Variants in HIBCH observed in about 807,000 individuals in gnomAD.
HIBCH encodes the protein 3-hydroxyisobutyryl-CoA hydrolase.
Under a neutral mutation model 58.2 loss-of-function variants are expected in HIBCH, and 50 were observed. The observed-to-expected ratio is 0.86, with a 90% CI of 0.68 to 1.09. The LOEUF (loss-of-function observed/expected upper bound fraction) is 1.09. Among genes scored for constraint, HIBCH ranks in the 50% least tolerant of loss-of-function variants. The pLI, the probability that HIBCH is intolerant of heterozygous loss-of-function variation, is 0.00. For missense variants in HIBCH, 450 were observed against 449.7 expected (o/e 1.00, Z -0.01); for synonymous variants, 151 against 146.9 (o/e 1.03, Z -0.20).
intron 6 of HIBCH, among the ~76,000 whole-genome samples, chr2:190,277,130 C>A (rs976088872): frequency 4.6e-5 from 7 of 152,038 alleles, no homozygotes; most frequent in African/African-American, 1.7e-4. Context: ...TAAATTTAGT[C>A]ATTTAAATAT....
chr2:190,248,343 T>C (rs886505436), intron 9 of HIBCH, among the ~76,000 whole-genome samples: 19 of 152,284 alleles, frequency 1.2e-4, no homozygotes, highest in African/African-American at 4.3e-4. Context: ...GGTTTTTTTT[T>C]CTTCCAATGT....
chr2:190,286,000 C>T (rs1284672366), intron 6 of HIBCH, among the ~76,000 whole-genome samples: 1 of 152,098 alleles, frequency 6.6e-6, no homozygotes, highest in Non-Finnish European at 1.5e-5. Context: ...CACCATCACA[C>T]CCAACTGATT....
intron 1 of HIBCH, among the ~76,000 whole-genome samples, chr2:190,311,998 G>A (rs1688570068): frequency 6.6e-6 from 1 of 152,224 alleles, no homozygotes; most frequent in Admixed American, 6.5e-5. Flanking sequence ...GTTGGAAATT[G>A]TCTCTATCCC....
chr2:190,291,140 G>C (rs562717021), intron 4 of HIBCH, among the ~76,000 whole-genome samples: 2 of 152,044 alleles, frequency 1.3e-5, no homozygotes, highest in Non-Finnish European at 2.9e-5. Flanking sequence ...TGTATTATAC[G>C]TGTGTGTATA....
chr2:190,250,939 T>C (rs963623226), intron 8 of HIBCH, among the ~76,000 whole-genome samples: 1 of 152,204 alleles, frequency 6.6e-6, no homozygotes, highest in Non-Finnish European at 1.5e-5. Context: ...AGAGGACGTG[T>C]GAGAATAAAT....
intron 2 of HIBCH, among the ~76,000 whole-genome samples, chr2:190,301,637 G>A (rs1286774095): frequency 2.0e-5 from 3 of 152,304 alleles, no homozygotes; most frequent in Admixed American, 2.0e-4. Flanking sequence ...AACTGTCTTA[G>A]TCCATTCCTG....
At chr2:190,208,714 TGGTC>T (rs1690451729) in intron 13 of HIBCH, 162 bp downstream of exon 13, 5 of 671,466 alleles carry the variant, frequency 7.4e-6, no homozygotes, top group South Asian at 6.5e-5. Flanking sequence ...ATTATACTTA[TGGTC>T]CAATGAACAT....
chr2:190,276,393 T>G (rs1687552238), intron 6 of HIBCH, among the ~76,000 whole-genome samples: 1 of 152,182 alleles, frequency 6.6e-6, no homozygotes. Context: ...CTCCTTTATG[T>G]TTCCTAATTG....
intron 11 of HIBCH, among the ~76,000 whole-genome samples, chr2:190,235,015 T>C (rs1273835954): frequency 2.6e-5 from 4 of 152,170 alleles, no homozygotes; most frequent in African/African-American, 4.8e-5. Context: ...CAACTGTTAC[T>C]ACTTGAGACT....
At chr2:190,212,623 G>T (rs758444522) in intron 12 of HIBCH, among the ~76,000 whole-genome samples, 1 of 152,012 alleles carries the variant, frequency 6.6e-6, no homozygotes, top group African/African-American at 2.4e-5. Flanking sequence ...ACCAATGAGG[G>T]AATTCACATT....
At chr2:190,228,261 T>C (rs975953012) in intron 11 of HIBCH, among the ~76,000 whole-genome samples, 12 of 152,158 alleles carry the variant, frequency 7.9e-5, no homozygotes, top group Non-Finnish European at 1.6e-4. Flanking sequence ...GGGACATGGA[T>C]GAAGCTGGAA....
At chr2:190,298,143 T>G (rs1287741319) in intron 2 of HIBCH, among the ~76,000 whole-genome samples, 2 of 152,202 alleles carry the variant, frequency 1.3e-5, no homozygotes, top group Non-Finnish European at 2.9e-5. Flanking sequence ...ATTTTCTTTA[T>G]CCAGTCTATT....
At chr2:190,270,379 T>C (rs949688387) in intron 6 of HIBCH, among the ~76,000 whole-genome samples, 2 of 151,720 alleles carry the variant, frequency 1.3e-5, no homozygotes, top group Non-Finnish European at 2.9e-5. Context: ...CACAGACACA[T>C]GTAAACAATT....
At chr2:190,317,969 C>T (rs1475871449) in intron 1 of HIBCH, among the ~76,000 whole-genome samples, 1 of 151,292 alleles carries the variant, frequency 6.6e-6, no homozygotes, top group Non-Finnish European at 1.5e-5. Context: ...GATTACAGGG[C>T]CCTGCCACCA....
At chr2:190,255,226 C>T (rs1356026216) in intron 7 of HIBCH, among the ~76,000 whole-genome samples, 1 of 152,166 alleles carries the variant, frequency 6.6e-6, no homozygotes, top group Non-Finnish European at 1.5e-5. Flanking sequence ...CCCCATGTAC[C>T]CTTTTGAGAG....
At chr2:190,219,172 A>T (rs953923239) in intron 11 of HIBCH, among the ~76,000 whole-genome samples, 6 of 152,224 alleles carry the variant, frequency 3.9e-5, no homozygotes, top group African/African-American at 1.4e-4. Context: ...AATCTAACAA[A>T]TTCTTTTAAT....
At chr2:190,283,856 G>A (rs544389556) in intron 6 of HIBCH, among the ~76,000 whole-genome samples, 48 of 152,312 alleles carry the variant, frequency 3.2e-4, no homozygotes, top group Non-Finnish European at 5.7e-4. Flanking sequence ...TTCTCCCAAG[G>A]ATGGTACATA....
At position 190,304,653 on chromosome 2, in the gene HIBCH, T is replaced by C. The variant is rs906378295; in HGVS notation, c.78+6101A>G. 6.6e-6 allele frequency among the ~76,000 whole-genome samples: 1 copy of C among 152,180 alleles called. No individual in the cohort carries two copies. The highest frequency in any genetic ancestry group is 6.5e-5 in the Admixed American group (1 of 15,280). On this transcript the variant is annotated intron_variant, in intron 2 of 13. Coordinates refer to ENST00000359678, the MANE Select transcript of HIBCH (RefSeq NM_014362.4). The surrounding 1 kb of genome is among the most constrained non-coding windows in gnomAD (Gnocchi z 4.1). ...TTTGATAAGTGTACCATAGTAAGAA[T>C]AGTAGGCAGTTTGCTAGGGCTGCCA...
At chr2:190,238,004 T>C (rs575126128) in intron 11 of HIBCH, among the ~76,000 whole-genome samples, 144 of 152,298 alleles carry the variant, frequency 9.5e-4, no homozygotes, top group African/African-American at 3.2e-3. Flanking sequence ...ATGAACTCAT[T>C]CTTTTTTTAC....
Sources: allele counts gnomAD v4.1 joint callset (sites outside exome capture counted in the v4.1 genomes callset), GRCh38; gene constraint gnomAD v4.1.1; non-coding constraint Gnocchi (gnomAD v3.1); transcripts MANE v1.5; gene names NCBI Gene and HGNC (gene_info 2026-07-23, HGNC 2026-07-21).